Variants in OR11A1 observed in about 807,000 individuals in gnomAD.
OR11A1 encodes olfactory receptor family 11 subfamily A member 1.
For synonymous variants in OR11A1, 158 were observed against 152.2 expected, an observed-to-expected ratio of 1.04 and a Z score of -0.28; for missense variants, 380 against 378.2, an observed-to-expected ratio of 1.00 and a Z score of -0.04.
intron 1 of OR11A1, among the ~76,000 whole-genome samples, chr6:29,455,288 A>T (rs958240859): frequency 2.6e-5 from 4 of 152,166 alleles, no homozygotes; most frequent in African/African-American, 9.7e-5. Context: ...TGCAGAATAT[A>T]TGAAGAACTC....
rs114085167 is a variant in OR11A1 at position 29,430,669 on chromosome 6, G to T, written c.-264-244C>A. ...AGACATTGGAGACTTGGAAAGGTGAGGTGGGAAGGGGTGAGGGATGAGAAA... is the reference window on the plus strand; with the variant it reads ...AGACATTGGAGACTTGGAAAGGTGATGTGGGAAGGGGTGAGGGATGAGAAA... On this transcript the variant is annotated intron_variant, in intron 2 of 4. Coordinates refer to ENST00000377149, the MANE Select transcript of OR11A1 (RefSeq NM_001394828.1). Among the ~76,000 whole-genome samples, 506 of 152,288 alleles carry T rather than the reference G, an allele frequency of 3.3e-3. 10 individuals carry two copies. The highest frequency in any genetic ancestry group is 0.011 in the African/African-American group (441 of 41,552).
At chr6:29,437,079 C>T (rs377093561) in intron 1 of OR11A1, among the ~76,000 whole-genome samples, 2 of 152,332 alleles carry the variant, frequency 1.3e-5, no homozygotes, top group African/African-American at 4.8e-5. Flanking sequence ...AACACTTTTA[C>T]GCTGTTGGTG....
rs1427175287 is a variant in OR11A1, at chr6:29,453,526, G to T, written c.-389+3461C>A. On this transcript the variant is annotated intron_variant, in intron 1 of 4. Coordinates refer to ENST00000377149, the MANE Select transcript of OR11A1 (RefSeq NM_001394828.1). This position sits in a 1 kb window ranked among gnomAD's most constrained non-coding sequence, Gnocchi z 4.5. The stretch of plus-strand genomic sequence containing the variant: ...ATCAACAATTACACTATTAAAGAGG[G>T]TTGAGATGATTTGGAACAAAGATAA... Among the ~76,000 whole-genome samples the T allele has an allele frequency of 6.6e-6, 1 of 152,126 alleles. No individual in the cohort carries two copies. The highest frequency in any genetic ancestry group is 1.5e-5 in the Non-Finnish European group (1 of 68,016).
intron 1 of OR11A1, among the ~76,000 whole-genome samples, chr6:29,444,884 A>G (rs931744337): frequency 2.6e-5 from 4 of 152,010 alleles, no homozygotes; most frequent in African/African-American, 7.3e-5. Context: ...TCTGTCCCTA[A>G]TATTTCCTCC....
At position 29,455,548 on chromosome 6, in the gene OR11A1, C is replaced by A. The variant is rs151212141; in HGVS notation, c.-389+1439G>T. 6.6e-3 allele frequency among the ~76,000 whole-genome samples: 1,007 copies of A among 152,162 alleles called. 9 individuals carry two copies. Among genetic ancestry groups the A allele is most frequent in the Middle Eastern group, 0.01 (3 of 294 alleles). On this transcript the variant is annotated intron_variant, in intron 1 of 4. Transcript: ENST00000377149. ...GAGAATAGATTTTAAGTACTCTTAC[C>A]ACAAGAAAAGTAACTGTGAGTTGAT... is the stretch of plus-strand genomic sequence containing the variant.
chr6:29,436,874 C>T (rs1783667297), intron 1 of OR11A1, among the ~76,000 whole-genome samples: 1 of 152,220 alleles, frequency 6.6e-6, no homozygotes, highest in Non-Finnish European at 1.5e-5. Context: ...GCCAGTGGCC[C>T]GCAATCCTCT....
At chr6:29,439,303 A>T (rs1457989464) in intron 1 of OR11A1, 1 of 152,216 alleles carries the variant, frequency 6.6e-6, no homozygotes, top group Non-Finnish European at 1.5e-5. Flanking sequence ...AGTCTGTAAG[A>T]TGCAGAAATA....
At chr6:29,440,059 G>C in intron 1 of OR11A1, 1 of 1,613,156 alleles carries the variant, frequency 6.2e-7, no homozygotes, top group Non-Finnish European at 8.5e-7. Context: ...CTTCTTCTCG[G>C]CTTCTCCCAC....
chr6:29,445,550 C>G (rs1183924621), intron 1 of OR11A1, among the ~76,000 whole-genome samples: 1 of 152,188 alleles, frequency 6.6e-6, no homozygotes, highest in African/African-American at 2.4e-5. Flanking sequence ...GAGAAACCTC[C>G]CAACCAGAGC....
chr6:29,446,060 A>T (rs897485695), intron 1 of OR11A1, among the ~76,000 whole-genome samples: 1 of 152,102 alleles, frequency 6.6e-6, no homozygotes, highest in African/African-American at 2.4e-5. Context: ...AGAAAGTGGG[A>T]TCTCAGTGCA....
chr6:29,448,171 C>T (rs1215529175), intron 1 of OR11A1, among the ~76,000 whole-genome samples: 1 of 151,924 alleles, frequency 6.6e-6, no homozygotes, highest in Non-Finnish European at 1.5e-5. Flanking sequence ...TGTGCGCCAC[C>T]ACACCCAGCT....
Position 29,427,156 on chromosome 6 carries a change from G to A in OR11A1, c.486C>T (p.Ala162=), listed in dbSNP as rs112976090. 2 of 1,613,046 alleles carry A rather than the reference G, an allele frequency of 1.2e-6. 1 individual carries two copies. Among genetic ancestry groups the A allele is most frequent in the African/African-American group, 2.7e-5 (2 of 75,028 alleles). ...CACAGAACCTCAGCTGGGCCACCAG[G>A]GCCACAACCAGTCCATCTACCACAA... ...SGFVVDGLVV[A]LVAQLRFCGP... is the part of the protein sequence containing the mutation. The change falls in exon 5 of 5, where the codon GCC becomes GCT. Residue 162 remains alanine (A), a synonymous_variant. Coordinates refer to ENST00000377149, the MANE Select transcript of OR11A1 (RefSeq NM_001394828.1).
intron 1 of OR11A1, among the ~76,000 whole-genome samples, chr6:29,444,396 A>T (rs1784512412): frequency 6.6e-6 from 1 of 152,172 alleles, no homozygotes; most frequent in Non-Finnish European, 1.5e-5. Flanking sequence ...ACCTTGGTAA[A>T]GATTGAAGAC....
rs386442942 is a variant in OR11A1 at position 29,457,011 on chromosome 6, C to T, written c.-413G>A. Reference sequence around the variant, plus strand: ...CAAGATGTCCCAGTCACATGTTGCACGTTTTTAGTAGGGAGCCTTAGTTTC... The same window carrying T: ...CAAGATGTCCCAGTCACATGTTGCATGTTTTTAGTAGGGAGCCTTAGTTTC... On this transcript the variant is annotated 5_prime_UTR_variant, in exon 1 of 5. In the 5' UTR this introduces an upstream ATG that the reference lacks. Transcript: ENST00000377149. The T allele has an allele frequency of 6.6e-6, 1 of 152,148 alleles. No homozygotes were observed. The highest frequency in any genetic ancestry group is 1.5e-5 in the Non-Finnish European group (1 of 68,028). 9.4% of individuals were successfully genotyped at this position (152,148 alleles called of 1,614,324 possible). A position where few individuals can be genotyped will look rare whatever the true frequency, so the allele number is the denominator to read the frequency against.
intron 1 of OR11A1, among the ~76,000 whole-genome samples, chr6:29,447,052 C>T (rs1263064103): frequency 1.3e-5 from 2 of 152,186 alleles, no homozygotes; most frequent in Non-Finnish European, 1.5e-5. Context: ...ATAACTGGAA[C>T]TTATCATCCA....
Position 29,455,205 on chromosome 6 carries a change from G to A in OR11A1, c.-389+1782C>T, listed in dbSNP as rs182248771. On this transcript the variant is annotated intron_variant, in intron 1 of 4. Transcript: ENST00000377149. The stretch of plus-strand genomic sequence containing the variant: ...TAAAAGCTTCTTCTCCTTTGAAGAC[G>A]CCATTCAAATTGAAACATCAAACCA... Among the ~76,000 whole-genome samples, 21 of 152,148 alleles carry A rather than the reference G, an allele frequency of 1.4e-4. No individual in the cohort carries two copies. The East Asian group carries it at 2.3e-3, about 17-fold the overall frequency.
intron 1 of OR11A1, among the ~76,000 whole-genome samples, chr6:29,446,715 C>T (rs1377508415): frequency 6.6e-6 from 1 of 152,198 alleles, no homozygotes; most frequent in African/African-American, 2.4e-5. Context: ...CTCCCATTTG[C>T]TTCAACCTCA....
intron 1 of OR11A1, among the ~76,000 whole-genome samples, chr6:29,444,233 C>T (rs538520306): frequency 9.2e-5 from 14 of 152,260 alleles, no homozygotes; most frequent in Non-Finnish European, 1.5e-5. Flanking sequence ...CTGCTACTAT[C>T]CATGTAAGAT....
At chr6:29,443,775 A>G (rs1001836773) in intron 1 of OR11A1, among the ~76,000 whole-genome samples, 2 of 152,110 alleles carry the variant, frequency 1.3e-5, no homozygotes, top group African/African-American at 4.8e-5. Context: ...TGAATTTGTA[A>G]CTCATCTCCA....
Sources: allele counts gnomAD v4.1 joint callset (sites outside exome capture counted in the v4.1 genomes callset), GRCh38; gene constraint gnomAD v4.1.1; non-coding constraint Gnocchi (gnomAD v3.1); transcripts MANE v1.5; gene names NCBI Gene and HGNC (gene_info 2026-07-23, HGNC 2026-07-21).